The following PARD3B variants were observed in gnomAD, a reference collection of about 807,000 sequenced individuals.
PARD3B encodes partitioning defective 3 homolog B.
Under a neutral mutation model 130.2 loss-of-function variants are expected in PARD3B, and 103 were observed. The ratio of observed to expected loss-of-function variants is 0.79; its 90% CI spans 0.67 to 0.93. The LOEUF is 0.93. Among genes scored for constraint, PARD3B ranks in the 40% least tolerant of loss-of-function variants. PARD3B has a pLI of 0.00. For synonymous variants in PARD3B, 583 were observed against 553.2 expected, an observed-to-expected ratio of 1.05 and a Z score of -0.76; for missense variants, 1,609 against 1,499.2, an observed-to-expected ratio of 1.07 and a Z score of -1.21.
intron 19 of PARD3B, among the ~76,000 whole-genome samples, chr2:205,437,178 G>T (rs956843823): frequency 6.6e-6 from 1 of 152,102 alleles, no homozygotes; most frequent in African/African-American, 2.4e-5. Flanking sequence ...TCATAGCAAG[G>T]CATGAGATTA....
Position 205,352,191 on chromosome 2 carries a change from A to T in PARD3B, c.2631-48822A>T, listed in dbSNP as rs2044020294. 6.6e-6 allele frequency among the ~76,000 whole-genome samples: 1 copy of T among 152,206 alleles called. No homozygotes were observed. The highest frequency in any genetic ancestry group is 1.9e-4 in the East Asian group (1 of 5,196). ...CATATTATAGGTTTCCCTCATAATG[A>T]TAACAGAATCTTACATCAAGTGAAC... On this transcript the variant is annotated intron_variant, in intron 18 of 22. Coordinates refer to ENST00000406610, the MANE Select transcript of PARD3B (RefSeq NM_001302769.2). The surrounding 1 kb of genome is among the most constrained non-coding windows in gnomAD (Gnocchi z 5.2).
intron 2 of PARD3B, among the ~76,000 whole-genome samples, chr2:204,895,870 G>T (rs1399676696): frequency 6.6e-6 from 1 of 151,944 alleles, no homozygotes; most frequent in Non-Finnish European, 1.5e-5. Flanking sequence ...GTTAGATGGG[G>T]GTCTACCTGA....
intron 3 of PARD3B, among the ~76,000 whole-genome samples, chr2:204,991,670 T>C (rs1259755135): frequency 1.3e-5 from 2 of 149,904 alleles, no homozygotes; most frequent in Admixed American, 1.3e-4. Flanking sequence ...CCACAATGGT[T>C]GAACTAGTTT....
chr2:205,615,696 A>G lies in PARD3B; in HGVS notation c.3501A>G (p.Gln1167=). The part of the protein sequence containing the change: ...QDVPPSPPQH[Q]RMPAYQETGR... ...TTCCGCCTTCCCCTCCCCAGCACCA[A>G]AGAATGCCAGCCTATCAGGAAACAG... is the stretch of plus-strand genomic sequence containing the variant. The change falls in exon 23 of 23, where the codon CAA becomes CAG. Residue 1167 remains glutamine, a synonymous_variant. Transcript: ENST00000406610. 1 of 1,613,986 alleles carries G rather than the reference A, an allele frequency of 6.2e-7. No individual in the cohort carries two copies. Among genetic ancestry groups the G allele is most frequent in the Non-Finnish European group, 8.5e-7 (1 of 1,179,994 alleles).
At chr2:205,400,398 T>A (rs1251176005) in intron 18 of PARD3B, among the ~76,000 whole-genome samples, 2 of 152,126 alleles carry the variant, frequency 1.3e-5, no homozygotes, top group Non-Finnish European at 2.9e-5. Flanking sequence ...CCTAGCACTT[T>A]GGGAAGCCAA....
Position 204,565,210 on chromosome 2 carries a change from T to G in PARD3B, c.120+19091T>G, listed in dbSNP as rs549355267. 2.0e-5 allele frequency among the ~76,000 whole-genome samples: 3 copies of G among 152,350 alleles called. No homozygotes were observed. The South Asian group carries it at 6.2e-4, about 32-fold the overall frequency. On this transcript the variant is annotated intron_variant, in intron 1 of 22. Coordinates refer to ENST00000406610, the MANE Select transcript of PARD3B (RefSeq NM_001302769.2). ...CAGTTTCTTGTCATGTGGGCTTTCT[T>G]AACCCAACTGCTTACTTTATCCAGC...
At chr2:205,145,591 C>T (rs889377820) in intron 10 of PARD3B, among the ~76,000 whole-genome samples, 22 of 152,134 alleles carry the variant, frequency 1.4e-4, no homozygotes, top group African/African-American at 5.3e-4. Context: ...ATCTCTCAGA[C>T]CTTGCTGGTG....
chr2:204,612,867 T>C lies in PARD3B; in HGVS notation c.120+66748T>C, dbSNP rs376752433. ...AATATTAAGACCTTTTCAGGTGATC[T>C]ATGATAAATAATAGTTTAGTTCTTT... On this transcript the variant is annotated intron_variant, in intron 1 of 22. Transcript: ENST00000406610. Among the ~76,000 whole-genome samples the C allele has an allele frequency of 1.5e-4, 23 of 152,046 alleles. 3 individuals are homozygous for C. Among genetic ancestry groups the C allele is most frequent in the Admixed American group, 1.1e-3 (17 of 15,256 alleles).
intron 10 of PARD3B, among the ~76,000 whole-genome samples, chr2:205,152,713 C>T (rs948374892): frequency 3.4e-4 from 52 of 152,196 alleles, no homozygotes; most frequent in African/African-American, 1.2e-3. Context: ...CCTCCTTTAG[C>T]TCGGAGAAGT....
In PARD3B at chr2:204,669,080, C is replaced by G. The variant is rs970464062; in HGVS notation, c.121-17101C>G. Among the ~76,000 whole-genome samples, 1 of 152,116 alleles carries G rather than the reference C, an allele frequency of 6.6e-6. No individual in the cohort carries two copies. The highest frequency in any genetic ancestry group is 2.4e-5 in the African/African-American group (1 of 41,422). On this transcript the variant is annotated intron_variant, in intron 1 of 22. Transcript: ENST00000406610. This position sits in a 1 kb window ranked among gnomAD's most constrained non-coding sequence, Gnocchi z 4.3. ...ATCTTGATGTTCACCTAGTAAGATCCACGCCTGACTTCAGGCCTGCAGAAT... is the reference window on the plus strand; with the variant it reads ...ATCTTGATGTTCACCTAGTAAGATCGACGCCTGACTTCAGGCCTGCAGAAT...
intron 15 of PARD3B, among the ~76,000 whole-genome samples, chr2:205,228,760 T>A (rs1321383977): frequency 6.6e-6 from 1 of 152,102 alleles, no homozygotes; most frequent in Admixed American, 6.5e-5. Flanking sequence ...CTTTTGAGGC[T>A]GTTTTCTAGA....
rs557796785 is a variant in PARD3B, at chr2:205,244,300, G to A, written c.2141-1478G>A. ...GAAATGGAAGAGATTCTTCTTGTTA[G>A]CAAATTTCCCCTCGCCTTGCTTCAA... On this transcript the variant is annotated intron_variant, in intron 15 of 22. Coordinates refer to ENST00000406610, the MANE Select transcript of PARD3B (RefSeq NM_001302769.2). The surrounding 1 kb of genome is among the most constrained non-coding windows in gnomAD (Gnocchi z 4.7). 2.0e-4 allele frequency among the ~76,000 whole-genome samples: 31 copies of A among 152,278 alleles called. No individual in the cohort carries two copies. The highest frequency in any genetic ancestry group is 6.7e-4 in the African/African-American group (28 of 41,546).
At chr2:205,047,477 A>G (rs1375394376) in intron 3 of PARD3B, 104 bp from the exon 4 acceptor site, 3 of 601,944 alleles carry the variant, frequency 5.0e-6, no homozygotes, top group Non-Finnish European at 5.7e-6. Context: ...GAATGTTTTT[A>G]CATAAAAGCC....
intron 2 of PARD3B, among the ~76,000 whole-genome samples, chr2:204,889,163 A>C (rs1045544006): frequency 1.3e-5 from 2 of 152,134 alleles, no homozygotes; most frequent in Admixed American, 1.3e-4. Flanking sequence ...TTCTAGATCC[A>C]TTAACTCTTA....
At chr2:205,135,537 A>G (rs2032405611) in intron 10 of PARD3B, among the ~76,000 whole-genome samples, 1 of 151,128 alleles carries the variant, frequency 6.6e-6, no homozygotes, top group African/African-American at 2.4e-5. Flanking sequence ...AAAATGTGTG[A>G]TCTTTATCAT....
At chr2:204,682,202 T>G (rs2036867064) in intron 1 of PARD3B, among the ~76,000 whole-genome samples, 1 of 152,290 alleles carries the variant, frequency 6.6e-6, no homozygotes, top group African/African-American at 2.4e-5. Context: ...GGGATAGAAA[T>G]GGACCTGATT....
At chr2:205,578,143 G>A (rs2053829921) in intron 22 of PARD3B, among the ~76,000 whole-genome samples, 1 of 152,102 alleles carries the variant, frequency 6.6e-6, no homozygotes, top group African/African-American at 2.4e-5. Context: ...CTCTTCCACT[G>A]ATAAGCTGCA....
At chr2:205,120,233 TGCAAAGC>T (rs1189643523) in intron 7 of PARD3B, among the ~76,000 whole-genome samples, 1 of 152,192 alleles carries the variant, frequency 6.6e-6, no homozygotes, top group Non-Finnish European at 1.5e-5. Flanking sequence ...TTGATAATTA[TGCAAAGC>T]AATCATTATT....
intron 10 of PARD3B, among the ~76,000 whole-genome samples, chr2:205,132,330 C>T (rs1320673905): frequency 6.6e-6 from 1 of 152,072 alleles, no homozygotes; most frequent in African/African-American, 2.4e-5. Flanking sequence ...TTACTTGTTG[C>T]AGGAGAAAAC....
Sources: gnomAD v4.1 joint callset for allele counts (sites outside exome capture counted in the v4.1 genomes callset) on GRCh38, gnomAD v4.1.1 for gene constraint, Gnocchi (gnomAD v3.1) non-coding constraint, MANE v1.5 for transcripts, NCBI Gene and HGNC (gene_info 2026-07-23, HGNC 2026-07-21) for gene names.